The following CORO2B variants were observed in gnomAD, a reference collection of about 807,000 sequenced individuals.
The protein encoded by CORO2B is coronin-2B.
CORO2B carries 26 observed loss-of-function variants against 58.8 expected under a neutral mutation model. The ratio of observed to expected loss-of-function variants is 0.44; its 90% CI spans 0.32 to 0.61. The LOEUF is 0.61. Among genes scored for constraint, CORO2B ranks in the 20% least tolerant of loss-of-function variants. CORO2B has a pLI of 0.04. For missense variants in CORO2B, 460 were observed against 645.1 expected (o/e 0.71, Z 3.11); for synonymous variants, 242 against 253.8 (o/e 0.95, Z 0.44).
chr15:68,535,187 T>C, the CORO2B span, among the ~76,000 whole-genome samples: 1 of 152,216 alleles, frequency 6.6e-6, no homozygotes. Flanking sequence ...CCTTTGATCA[T>C]GTTTCTGTTG....
intron 1 of CORO2B, among the ~76,000 whole-genome samples, chr15:68,624,455 GCACCACA>G (rs918190094): frequency 4.6e-5 from 7 of 152,156 alleles, no homozygotes; most frequent in Admixed American, 2.6e-4. Flanking sequence ...ATCGTGATCA[GCACCACA>G]TGAGTCTGTG....
the CORO2B span, among the ~76,000 whole-genome samples, chr15:68,546,228 G>A: frequency 1.3e-5 from 2 of 152,178 alleles, no homozygotes; most frequent in Non-Finnish European, 2.9e-5. Context: ...TTTTGCAAAC[G>A]AAGAAGTTCA....
chr15:68,696,480 C>T (rs1456059810), intron 3 of CORO2B, among the ~76,000 whole-genome samples: 6 of 140,136 alleles, frequency 4.3e-5, no homozygotes, highest in Admixed American at 4.0e-4. Flanking sequence ...ACCTGGAAGG[C>T]GGAGGTTGCA....
chr15:68,610,943 A>G (rs1455667696), intron 1 of CORO2B, among the ~76,000 whole-genome samples: 3 of 152,228 alleles, frequency 2.0e-5, no homozygotes, highest in Non-Finnish European at 4.4e-5. Flanking sequence ...GACGCAGCCA[A>G]GGAAAGAATC....
At chr15:68,618,861 A>C (rs1238405955) in intron 1 of CORO2B, among the ~76,000 whole-genome samples, 2 of 152,254 alleles carry the variant, frequency 1.3e-5, no homozygotes, top group Non-Finnish European at 2.9e-5. Context: ...GGATGTTCGA[A>C]TACAAGCCTG....
chr15:68,540,620 A>G, the CORO2B span, among the ~76,000 whole-genome samples: 10 of 152,250 alleles, frequency 6.6e-5, no homozygotes, highest in Admixed American at 6.5e-4. Flanking sequence ...TGCTGTATAC[A>G]TTTTCCCATT....
At chr15:68,701,816 T>C (rs1892659176) in intron 3 of CORO2B, among the ~76,000 whole-genome samples, 1 of 152,132 alleles carries the variant, frequency 6.6e-6, no homozygotes, top group African/African-American at 2.4e-5. Context: ...GAGTACCAGT[T>C]GCCCTATTGT....
the CORO2B span, among the ~76,000 whole-genome samples, chr15:68,519,070 C>T: frequency 6.6e-6 from 1 of 152,314 alleles, no homozygotes; most frequent in Admixed American, 6.5e-5. Flanking sequence ...GACCCAGATG[C>T]TCAGTCCTGC....
intron 6 of CORO2B, 65 bp from the exon 7 acceptor site, chr15:68,714,494 T>C (rs961136046): frequency 1.6e-5 from 20 of 1,287,196 alleles, no homozygotes; most frequent in Non-Finnish European, 2.0e-5. Flanking sequence ...GAGGCCTTCC[T>C]GGGATTTGGG....
In CORO2B at chr15:68,618,488, G is replaced by A. The variant is rs114941389; in HGVS notation, c.16-26672G>A. On this transcript the variant is annotated intron_variant, in intron 1 of 11. Coordinates refer to ENST00000261861, the MANE Select transcript of CORO2B (RefSeq NM_006091.5). ...AGTAAACAGGAAAAGGGGAAAGGCA[G>A]CCAGATGGAAGCAACAGTGTGATCA... Among the ~76,000 whole-genome samples, 234 of 152,374 alleles carry A rather than the reference G, an allele frequency of 1.5e-3. 2 individuals are homozygous for A. Among genetic ancestry groups the A allele is most frequent in the African/African-American group, 5.4e-3 (224 of 41,588 alleles).
intron 1 of CORO2B, among the ~76,000 whole-genome samples, chr15:68,592,003 G>A (rs1014355473): frequency 1.3e-5 from 2 of 152,162 alleles, no homozygotes; most frequent in Non-Finnish European, 2.9e-5. Context: ...GCTGGGTGCA[G>A]AAGTGAGCTT....
At chr15:68,715,792 A>G (rs1454894380) in intron 8 of CORO2B, among the ~76,000 whole-genome samples, 3 of 152,230 alleles carry the variant, frequency 2.0e-5, no homozygotes, top group African/African-American at 4.8e-5. Context: ...GCAGAAACCC[A>G]GAGAGGGCTC....
chr15:68,642,818 TGAG>T (rs1595985172), intron 1 of CORO2B, among the ~76,000 whole-genome samples: 1 of 152,114 alleles, frequency 6.6e-6, no homozygotes, highest in East Asian at 1.9e-4. Flanking sequence ...CCTTAAAGGC[TGAG>T]GGTTGGCTGC....
intron 2 of CORO2B, among the ~76,000 whole-genome samples, chr15:68,684,111 G>A (rs1237595271): frequency 6.6e-6 from 1 of 152,144 alleles, no homozygotes; most frequent in Non-Finnish European, 1.5e-5. Flanking sequence ...TACAGGGAAG[G>A]AGATAAACCA....
the CORO2B span, among the ~76,000 whole-genome samples, chr15:68,532,657 C>T: frequency 5.3e-5 from 8 of 152,196 alleles, no homozygotes; most frequent in Non-Finnish European, 1.0e-4. Context: ...TTTTGAGTCA[C>T]ATTATCCTGA....
At chr15:68,603,270 A>G (rs1201890559) in intron 1 of CORO2B, among the ~76,000 whole-genome samples, 1 of 152,250 alleles carries the variant, frequency 6.6e-6, no homozygotes, top group Admixed American at 6.5e-5. Context: ...TGTCAAACAA[A>G]TAAATGAATT....
chr15:68,686,061 G>C (rs1411619275), intron 2 of CORO2B, among the ~76,000 whole-genome samples: 8 of 143,908 alleles, frequency 5.6e-5, no homozygotes, highest in Non-Finnish European at 1.2e-4. Context: ...TTTTGAGACG[G>C]AGTTTTACTC....
chr15:68,595,703 T>G (rs570911899), intron 1 of CORO2B, among the ~76,000 whole-genome samples: 4 of 152,234 alleles, frequency 2.6e-5, no homozygotes, highest in Non-Finnish European at 5.9e-5. Context: ...ATTAAGCACC[T>G]GCTCCATGCC....
chr15:68,661,411 A>T (rs1902010988), intron 2 of CORO2B, among the ~76,000 whole-genome samples: 1 of 152,204 alleles, frequency 6.6e-6, no homozygotes, highest in Admixed American at 6.5e-5. Context: ...ATATCAAAAG[A>T]ACTTTAAAAG....
Sources: gnomAD v4.1 joint callset for allele counts (sites outside exome capture counted in the v4.1 genomes callset) on GRCh38, gnomAD v4.1.1 for gene constraint, MANE v1.5 for transcripts, NCBI Gene and HGNC (gene_info 2026-07-23, HGNC 2026-07-21) for gene names.